The following ATP11A variants were observed in gnomAD, a reference collection of about 807,000 sequenced individuals.
ATP11A encodes phospholipid-transporting ATPase IH.
A neutral mutation model predicts 154.4 loss-of-function variants in ATP11A; 81 were observed. The observed-to-expected ratio is 0.52, with a 90% CI of 0.44 to 0.63. The LOEUF (loss-of-function observed/expected upper bound fraction) is 0.63, where lower values mean the gene tolerates loss of function less well. ATP11A is among the 30% of genes least tolerant of loss of function. The probability of loss-of-function intolerance (pLI) is 0.00; values close to 1 mark genes in which losing one functional copy is unlikely to be tolerated. For synonymous variants in ATP11A, 623 were observed against 585.9 expected, an observed-to-expected ratio of 1.06 and a Z score of -0.91; for missense variants, 1,316 against 1,474.3, an observed-to-expected ratio of 0.89 and a Z score of 1.76.
chr13:112,695,715 A>G (rs1398305003), intron 1 of ATP11A, among the ~76,000 whole-genome samples: 1 of 152,194 alleles, frequency 6.6e-6, no homozygotes, highest in African/African-American at 2.4e-5. Context: ...TACACATGAA[A>G]TCCTCTATTT....
chr13:112,769,580 A>G (rs1307160841), intron 1 of ATP11A, among the ~76,000 whole-genome samples: 3 of 152,206 alleles, frequency 2.0e-5, no homozygotes, highest in Non-Finnish European at 4.4e-5. Context: ...GAGCCGGCCC[A>G]TAGCTCAGTC....
chr13:112,714,576 C>A (rs1311059063), intron 1 of ATP11A, among the ~76,000 whole-genome samples: 2 of 152,204 alleles, frequency 1.3e-5, no homozygotes, highest in African/African-American at 4.8e-5. Flanking sequence ...TGGCTCCAGC[C>A]CCCTCTGCTG....
chr13:112,778,280 C>T (rs1017831873), intron 1 of ATP11A, among the ~76,000 whole-genome samples: 4 of 152,226 alleles, frequency 2.6e-5, no homozygotes, highest in Admixed American at 6.5e-5. Context: ...CTGAGCTTAG[C>T]GGCTCTGTGA....
chr13:112,774,738 G>A (rs2077305266), intron 1 of ATP11A, among the ~76,000 whole-genome samples: 1 of 152,244 alleles, frequency 6.6e-6, no homozygotes, highest in African/African-American at 2.4e-5. Flanking sequence ...CTCATCCCAG[G>A]TCACAGTCTC....
At chr13:112,794,086 C>T (rs1316948160) in intron 2 of ATP11A, among the ~76,000 whole-genome samples, 1 of 152,184 alleles carries the variant, frequency 6.6e-6, no homozygotes, top group Non-Finnish European at 1.5e-5. Flanking sequence ...CACATGGTGT[C>T]TTTGGAGGTG....
rs2080903224 is a variant in ATP11A at position 112,882,210 on chromosome 13, C to T, written c.*344C>T. ...GTGGTTGTTGAGCCACACCAGTGGCCTCTGGGCATTCGGCTCAACGCAGGA... is the reference window on the plus strand; with the variant it reads ...GTGGTTGTTGAGCCACACCAGTGGCTTCTGGGCATTCGGCTCAACGCAGGA... On this transcript the variant is annotated 3_prime_UTR_variant, in exon 30 of 30. Transcript: ENST00000375645. This position sits in a 1 kb window ranked among gnomAD's most constrained non-coding sequence, Gnocchi z 5.1. 3.8e-6 allele frequency: 4 copies of T among 1,065,484 alleles called. No homozygotes were observed. In the South Asian group the frequency reaches 4.3e-5, roughly 11 times the overall value. The allele number at this position is 1,065,484 out of a possible 1,614,324, so 66.0% of individuals were successfully genotyped here.
intron 18 of ATP11A, chr13:112,851,972 A>G (rs2079780189): frequency 6.6e-6 from 1 of 152,262 alleles, no homozygotes; most frequent in South Asian, 2.1e-4. Context: ...GAAAATTACA[A>G]AAACTAATAA....
chr13:112,826,661 G>A (rs773007741), intron 11 of ATP11A, 33 bp from the exon 12 acceptor site: 15 of 1,596,632 alleles, frequency 9.4e-6, no homozygotes, highest in African/African-American at 1.3e-5. Context: ...CCCTCCTGGT[G>A]GAGGTGCTGA....
At chr13:112,740,608 G>C (rs1891451802) in intron 1 of ATP11A, among the ~76,000 whole-genome samples, 1 of 152,208 alleles carries the variant, frequency 6.6e-6, no homozygotes, top group Non-Finnish European at 1.5e-5. Flanking sequence ...GTAGCCCAGG[G>C]CTCCAGAAAA....
Position 112,838,243 on chromosome 13 carries a change from C to T in ATP11A, c.1705+1992C>T, listed in dbSNP as rs553356552. Reference sequence around the variant, plus strand: ...GGCGCAGTCCTGAGAGTCTCAGCCACTCGGAGTTATCTGGGATAAACGCAT... The same window carrying T: ...GGCGCAGTCCTGAGAGTCTCAGCCATTCGGAGTTATCTGGGATAAACGCAT... On this transcript the variant is annotated intron_variant, in intron 16 of 29. Coordinates refer to ENST00000375645, the MANE Select transcript of ATP11A (RefSeq NM_015205.3). This position sits in a 1 kb window ranked among gnomAD's most constrained non-coding sequence, Gnocchi z 7.3. Among the ~76,000 whole-genome samples, 2 of 152,218 alleles carry T rather than the reference C, an allele frequency of 1.3e-5. No homozygotes were observed. Among genetic ancestry groups the T allele is most frequent in the South Asian group, 4.1e-4 (2 of 4,828 alleles).
intron 27 of ATP11A, 70 bp downstream of exon 27, chr13:112,873,746 A>C: frequency 1.4e-6 from 2 of 1,471,628 alleles, no homozygotes; most frequent in Non-Finnish European, 1.9e-6. Context: ...TCAAGGGTTG[A>C]AGACACATTT....
At chr13:112,836,490 CTT>C (rs1308033528) in intron 16 of ATP11A, among the ~76,000 whole-genome samples, 2 of 152,206 alleles carry the variant, frequency 1.3e-5, no homozygotes, top group African/African-American at 2.4e-5. Context: ...CTCTGTCCAT[CTT>C]TTAGTGTCGA....
intron 1 of ATP11A, among the ~76,000 whole-genome samples, chr13:112,721,407 C>T (rs401223): frequency 0.77 from 117,558 of 152,148 alleles, 46,673 homozygotes; most frequent in East Asian, 0.91. Flanking sequence ...AACAAAGAGG[C>T]TTTGTTCTCT....
intron 1 of ATP11A, among the ~76,000 whole-genome samples, chr13:112,714,535 C>T (rs1888206499): frequency 1.3e-5 from 2 of 152,238 alleles, no homozygotes; most frequent in South Asian, 4.1e-4. Context: ...GGTGGCGTCT[C>T]CACTCCTGAC....
At position 112,859,157 on chromosome 13, in the gene ATP11A, T is replaced by G; in HGVS notation, c.2668-236T>G. ...ACCTGCATTGCCTTCTTGTTTCTCT[T>G]GGAGCTGACAAATTTCCTCTATACG... is the stretch of plus-strand genomic sequence containing the variant. On this transcript the variant is annotated intron_variant, in intron 22 of 29. Coordinates refer to ENST00000375645, the MANE Select transcript of ATP11A (RefSeq NM_015205.3). The surrounding 1 kb of genome is among the most constrained non-coding windows in gnomAD (Gnocchi z 4.3). 1.9e-6 allele frequency: 1 copy of G among 535,890 alleles called. No individual in the cohort carries two copies. The highest frequency in any genetic ancestry group is 3.4e-6 in the Non-Finnish European group (1 of 295,410). The allele number at this position is 535,890 out of a possible 1,614,324, so 33.2% of individuals were successfully genotyped here. A position where few individuals can be genotyped will look rare whatever the true frequency, so the allele number is the denominator to read the frequency against.
At chr13:112,772,342 G>A (rs1040900601) in intron 1 of ATP11A, among the ~76,000 whole-genome samples, 1 of 152,190 alleles carries the variant, frequency 6.6e-6, no homozygotes, top group Non-Finnish European at 1.5e-5. Flanking sequence ...GAGCGGCTGC[G>A]GTGGGGCCAT....
chr13:112,727,260 T>C (rs1297990266), intron 1 of ATP11A, among the ~76,000 whole-genome samples: 6 of 152,230 alleles, frequency 3.9e-5, no homozygotes, highest in African/African-American at 1.4e-4. Context: ...TTGGCCAGGC[T>C]GGTCTCAAAC....
chr13:112,818,761 C>T (rs140459215), intron 6 of ATP11A, among the ~76,000 whole-genome samples: 7 of 152,380 alleles, frequency 4.6e-5, no homozygotes, highest in African/African-American at 1.7e-4. Context: ...AACTCTAGGG[C>T]TGAGCCCAGG....
chr13:112,880,135 A>G (rs1183819693), intron 29 of ATP11A, among the ~76,000 whole-genome samples: 2 of 152,232 alleles, frequency 1.3e-5, no homozygotes, highest in Non-Finnish European at 2.9e-5. Context: ...CGCTGGACTC[A>G]GGAAAGTCCG....
Sources: gnomAD v4.1 joint callset for allele counts (sites outside exome capture counted in the v4.1 genomes callset) on GRCh38, gnomAD v4.1.1 for gene constraint, Gnocchi (gnomAD v3.1) non-coding constraint, MANE v1.5 for transcripts, NCBI Gene and HGNC (gene_info 2026-07-23, HGNC 2026-07-21) for gene names.